The following GSE1 variants were observed in gnomAD, a reference collection of about 807,000 sequenced individuals.
GSE1 encodes the protein Gse1 coiled-coil protein.
GSE1 carries 32 observed loss-of-function variants against 112.6 expected under a neutral mutation model. The observed-to-expected ratio is 0.28, with a 90% CI of 0.21 to 0.38. The LOEUF (loss-of-function observed/expected upper bound fraction) is 0.38. GSE1 is among the 10% of genes least tolerant of loss of function. GSE1 has a pLI of 1.00. For missense variants in GSE1, 2,348 were observed against 1,699.2 expected (o/e 1.38, Z -6.71); for synonymous variants, 1,115 against 735.6 (o/e 1.52, Z -8.35).
intron 2 of GSE1, among the ~76,000 whole-genome samples, chr16:85,454,423 T>A (rs1457741471): frequency 6.6e-6 from 1 of 152,246 alleles, no homozygotes; most frequent in Non-Finnish European, 1.5e-5. Context: ...CAGCCAGGCT[T>A]GCCAGTGGGC....
intron 2 of GSE1, among the ~76,000 whole-genome samples, chr16:85,446,949 C>G (rs1212293238): frequency 6.6e-6 from 1 of 152,160 alleles, no homozygotes; most frequent in African/African-American, 2.4e-5. Flanking sequence ...CCCTGCACCC[C>G]CATGCCCTTC....
intron 2 of GSE1, among the ~76,000 whole-genome samples, chr16:85,546,239 T>C (rs1189204259): frequency 6.6e-6 from 1 of 152,138 alleles, no homozygotes; most frequent in Admixed American, 6.5e-5. Context: ...CGTGCGCCAC[T>C]GTGCCCAGCT....
rs553600158 is a variant in GSE1 at position 85,264,941 on chromosome 16, T to A, written c.2284-92522T>A. Among the ~76,000 whole-genome samples, 123 of 152,290 alleles carry A rather than the reference T, an allele frequency of 8.1e-4. 2 individuals are homozygous for A. The highest frequency in any genetic ancestry group is 2.9e-3 in the African/African-American group (121 of 41,564). On this transcript the variant is annotated intron_variant, in intron 1 of 2. Coordinates refer to the GSE1 transcript ENST00000637419. ...CCAGGCAGGTGACTTGGCCTCTCCG[T>A]GCCTCAGTTTTCTCCTCTGAGAAAT...
At chr16:85,435,322 T>G (rs1234690941) in intron 2 of GSE1, among the ~76,000 whole-genome samples, 2 of 76,496 alleles carry the variant, frequency 2.6e-5, no homozygotes, top group African/African-American at 5.0e-5. Flanking sequence ...CCTCCCCCAC[T>G]GTGGTAGAAA....
intron 1 of GSE1, among the ~76,000 whole-genome samples, chr16:85,614,836 C>A (rs1285414793): frequency 6.6e-6 from 1 of 152,228 alleles, no homozygotes; most frequent in African/African-American, 2.4e-5. Context: ...AAAAGCGGGG[C>A]CACCAAATGG....
chr16:85,294,655 C>CTG (rs1385750014), intron 1 of GSE1, among the ~76,000 whole-genome samples: 1 of 119,340 alleles, frequency 8.4e-6, no homozygotes, highest in Non-Finnish European at 1.8e-5. Context: ...CTCTCTCTCT[C>CTG]TCTGTCTCTC....
At chr16:85,214,827 C>T (rs1350137597) in intron 1 of GSE1, among the ~76,000 whole-genome samples, 1 of 136,890 alleles carries the variant, frequency 7.3e-6, no homozygotes, top group Non-Finnish European at 1.6e-5. Flanking sequence ...CAGGGGCCCT[C>T]GTGGATGGAC....
chr16:85,532,415 C>T (rs2044167511), intron 2 of GSE1, among the ~76,000 whole-genome samples: 1 of 152,216 alleles, frequency 6.6e-6, no homozygotes, highest in Admixed American at 6.5e-5. Context: ...CATACGCCAC[C>T]ACGCCAGGCT....
intron 1 of GSE1, among the ~76,000 whole-genome samples, chr16:85,246,331 ACCC>A (rs1176779753): frequency 1.3e-5 from 1 of 78,674 alleles, no homozygotes; most frequent in Non-Finnish European, 2.3e-5. Flanking sequence ...ACACACACAC[ACCC>A]CCCACACGCT....
intron 2 of GSE1, among the ~76,000 whole-genome samples, chr16:85,481,850 A>G (rs1247692339): frequency 2.0e-5 from 3 of 152,152 alleles, no homozygotes; most frequent in Non-Finnish European, 4.4e-5. Context: ...TTTGTGATGT[A>G]CCTAAAAGGT....
At chr16:85,615,078 C>A (rs1259214443) in intron 1 of GSE1, among the ~76,000 whole-genome samples, 1 of 152,218 alleles carries the variant, frequency 6.6e-6, no homozygotes, top group Non-Finnish European at 1.5e-5. Flanking sequence ...GGTGAGCAGC[C>A]TTCCCTGGCC....
At chr16:85,625,289 C>T (rs965064242) in intron 1 of GSE1, among the ~76,000 whole-genome samples, 1 of 152,242 alleles carries the variant, frequency 6.6e-6, no homozygotes. Flanking sequence ...CCATCTGTTG[C>T]CTGACTTCCC....
At chr16:85,599,059 G>A (rs1360734785) in intron 1 of GSE1, among the ~76,000 whole-genome samples, 3 of 152,174 alleles carry the variant, frequency 2.0e-5, no homozygotes, top group African/African-American at 7.2e-5. Context: ...TTCGGGTAAG[G>A]CCCACTCACA....
intron 1 of GSE1, among the ~76,000 whole-genome samples, chr16:85,354,053 TC>T (rs1349398754): frequency 6.6e-6 from 1 of 152,150 alleles, no homozygotes; most frequent in East Asian, 1.9e-4. Flanking sequence ...CCCTTTCAAA[TC>T]CTACTCCTCT....
chr16:85,652,116 C>A (rs763269640), intron 3 of GSE1, among the ~76,000 whole-genome samples: 42 of 152,250 alleles, frequency 2.8e-4, no homozygotes, highest in Admixed American at 2.0e-3. Context: ...TGGTGCGTCC[C>A]CCACATGCCC....
At chr16:85,241,555 G>A (rs2143934016) in intron 1 of GSE1, among the ~76,000 whole-genome samples, 1 of 151,592 alleles carries the variant, frequency 6.6e-6, no homozygotes, top group Middle Eastern at 3.4e-3. Context: ...GCAGGGAGGG[G>A]GCCTTGGTGA....
At chr16:85,477,322 G>A (rs984797803) in intron 2 of GSE1, among the ~76,000 whole-genome samples, 1 of 152,116 alleles carries the variant, frequency 6.6e-6, no homozygotes, top group African/African-American at 2.4e-5. Context: ...TGAAGATTCC[G>A]AATATGCGTT....
chr16:85,528,457 G>A (rs1030845231), intron 2 of GSE1, among the ~76,000 whole-genome samples: 2 of 151,186 alleles, frequency 1.3e-5, no homozygotes, highest in Non-Finnish European at 2.9e-5. Context: ...GACTACAGGT[G>A]TGTGCACCAC....
intron 1 of GSE1, among the ~76,000 whole-genome samples, chr16:85,589,117 CCT>C (rs2046846194): frequency 6.6e-6 from 1 of 152,194 alleles, no homozygotes. Context: ...CTCCCTCCCT[CCT>C]CTCTGCCCAG....
Sources: gnomAD v4.1 joint callset for allele counts (sites outside exome capture counted in the v4.1 genomes callset) on GRCh38, gnomAD v4.1.1 for gene constraint, MANE v1.5 for transcripts, NCBI Gene and HGNC (gene_info 2026-07-23, HGNC 2026-07-21) for gene names.